Variants in MARCHF1 observed in about 807,000 individuals in gnomAD.
MARCHF1 encodes the protein E3 ubiquitin-protein ligase MARCHF1.
In MARCHF1, 40 loss-of-function variants were observed where a neutral mutation model predicts 54.2. The ratio of observed to expected loss-of-function variants is 0.74; its 90% CI spans 0.57 to 0.96. The LOEUF is 0.96. Ranked by LOEUF, MARCHF1 falls within the 40% of genes least tolerant of loss-of-function variation. The pLI, the probability that MARCHF1 is intolerant of heterozygous loss-of-function variation, is 0.00. For synonymous variants in MARCHF1, 236 were observed against 236.3 expected (o/e 1.00, Z 0.01); for missense variants, 586 against 656.5 (o/e 0.89, Z 1.17).
chr4:164,262,314 C>T (rs1733490503), intron 1 of MARCHF1, among the ~76,000 whole-genome samples: 1 of 152,084 alleles, frequency 6.6e-6, no homozygotes, highest in Non-Finnish European at 1.5e-5. Context: ...AGGGATGCTT[C>T]TCCATCATTT....
At chr4:164,277,847 A>G (rs948195902) in intron 1 of MARCHF1, among the ~76,000 whole-genome samples, 2 of 152,252 alleles carry the variant, frequency 1.3e-5, no homozygotes, top group African/African-American at 2.4e-5. Context: ...TGTAGTCAAT[A>G]CAGGTTTGTG....
intron 5 of MARCHF1, among the ~76,000 whole-genome samples, chr4:163,654,538 A>G (rs1743072919): frequency 6.6e-6 from 1 of 151,606 alleles, no homozygotes; most frequent in Non-Finnish European, 1.5e-5. Flanking sequence ...AGACTGGGTT[A>G]TTGGTGCATA....
At chr4:164,256,275 T>C (rs753858495) in intron 1 of MARCHF1, among the ~76,000 whole-genome samples, 3 of 151,594 alleles carry the variant, frequency 2.0e-5, no homozygotes, top group African/African-American at 7.3e-5. Context: ...AAAAGAGAAC[T>C]GCAAACTACT....
In MARCHF1 at chr4:163,612,277, A is replaced by G; in HGVS notation, c.1004T>C (p.Val335Ala). 11 of 1,498,886 alleles carry G rather than the reference A, an allele frequency of 7.3e-6. No individual in the cohort carries two copies. The highest frequency in any genetic ancestry group is 1.3e-5 in the South Asian group (1 of 76,554). The allele number at this position is 1,498,886 out of a possible 1,614,324, so 92.8% of individuals were successfully genotyped here. A position where few individuals can be genotyped will look rare whatever the true frequency, so the allele number is the denominator to read the frequency against. Residue 335 changes from valine to alanine, a missense_variant, in exon 7 of 10, where the codon GTA becomes GCA. Val to Ala is a moderately conservative substitution (Grantham distance 64). Transcript: ENST00000514618. ...TTTCTCTACAGTGACTGACCTGCAT[A>G]CTTCTAAATTATCAGACCCATCGTC... Reference protein sequence around the residue: ...TYDDGSDNLEVCRICHCEGDE... With the variant: ...TYDDGSDNLEACRICHCEGDE...
intron 1 of MARCHF1, chr4:164,189,057 C>A (rs1278100925): frequency 5.8e-6 from 4 of 687,566 alleles, no homozygotes; most frequent in Non-Finnish European, 1.1e-5. Flanking sequence ...ACCTGGGTGG[C>A]AGAACCTTCA....
chr4:164,091,304 G>A (rs1399657856), intron 2 of MARCHF1, among the ~76,000 whole-genome samples: 1 of 150,986 alleles, frequency 6.6e-6, no homozygotes. Flanking sequence ...TTTTAATATT[G>A]TTAAATATTC....
intron 3 of MARCHF1, among the ~76,000 whole-genome samples, chr4:163,861,012 G>A (rs1355141008): frequency 3.3e-5 from 5 of 152,110 alleles, no homozygotes; most frequent in Admixed American, 1.3e-4. Context: ...CAGATAATAG[G>A]TCAAGGAATT....
intron 1 of MARCHF1, among the ~76,000 whole-genome samples, chr4:164,350,226 CTA>C: frequency 6.6e-6 from 1 of 152,168 alleles, no homozygotes; most frequent in East Asian, 1.9e-4. Flanking sequence ...TGCAAAAAGT[CTA>C]TGTTTAAAAT....
Position 163,971,435 on chromosome 4 carries a change from A to T in MARCHF1, c.-39+17066T>A, listed in dbSNP as rs144339532. On this transcript the variant is annotated intron_variant, in intron 3 of 9. Coordinates refer to ENST00000514618, the MANE Select transcript of MARCHF1 (RefSeq NM_001394959.1). ...AAAACTAAGGAAACAGTTGTGTTACATATAACTTAACTGTAGTGTTTTAGA... is the reference window on the plus strand; with the variant it reads ...AAAACTAAGGAAACAGTTGTGTTACTTATAACTTAACTGTAGTGTTTTAGA... Among the ~76,000 whole-genome samples, 231 of 152,348 alleles carry T rather than the reference A, an allele frequency of 1.5e-3. 1 individual carries two copies. Among genetic ancestry groups the T allele is most frequent in the African/African-American group, 5.3e-3 (219 of 41,586 alleles).
At chr4:164,335,208 G>T (rs975568794) in intron 1 of MARCHF1, among the ~76,000 whole-genome samples, 1 of 152,140 alleles carries the variant, frequency 6.6e-6, no homozygotes, top group African/African-American at 2.4e-5. Context: ...TTGGTTAAAA[G>T]CTATCAAAAA....
intron 7 of MARCHF1, among the ~76,000 whole-genome samples, chr4:163,605,814 C>T (rs1039932215): frequency 6.6e-6 from 1 of 152,032 alleles, no homozygotes; most frequent in Non-Finnish European, 1.5e-5. Flanking sequence ...GAACAGAAAA[C>T]CAAATGCCAC....
chr4:164,131,794 A>C (rs1409335204), intron 1 of MARCHF1, among the ~76,000 whole-genome samples: 1 of 152,172 alleles, frequency 6.6e-6, no homozygotes, highest in Non-Finnish European at 1.5e-5. Context: ...AGAAGTTTTC[A>C]GTGAATTAAT....
At chr4:164,166,890 TG>T (rs1730394416) in intron 1 of MARCHF1, among the ~76,000 whole-genome samples, 1 of 86,222 alleles carries the variant, frequency 1.2e-5, no homozygotes, top group Non-Finnish European at 4.0e-5. Flanking sequence ...ATACTATTTT[TG>T]GTAAAAATAA....
At chr4:163,733,193 A>ATATATATATATACACGTG (rs1745902881) in intron 4 of MARCHF1, among the ~76,000 whole-genome samples, 16 of 21,786 alleles carry the variant, frequency 7.3e-4, no homozygotes, top group African/African-American at 2.1e-3. Flanking sequence ...ATATATATAT[A>ATATATATATATACACGTG]TATATATATA....
intron 2 of MARCHF1, among the ~76,000 whole-genome samples, chr4:164,053,888 C>T (rs1245888943): frequency 6.6e-6 from 1 of 152,078 alleles, no homozygotes. Context: ...GTCTAAAACA[C>T]CAAAAGCAAT....
intron 1 of MARCHF1, among the ~76,000 whole-genome samples, chr4:164,286,639 T>C (rs1734153227): frequency 1.3e-5 from 2 of 151,524 alleles, no homozygotes; most frequent in Admixed American, 1.3e-4. Context: ...ATATGTACTG[T>C]GTATATATAG....
intron 4 of MARCHF1, among the ~76,000 whole-genome samples, chr4:163,703,906 C>CA (rs70948663): frequency 0.39 from 58,411 of 151,520 alleles, 12,316 homozygotes; most frequent in Non-Finnish European, 0.48. Context: ...AAATGATTAC[C>CA]AAATGAGAAA....
At chr4:163,584,932 T>C (rs1454259711) in intron 8 of MARCHF1, 1 of 152,260 alleles carries the variant, frequency 6.6e-6, no homozygotes. Flanking sequence ...TATGTAAGGC[T>C]ACAGTTAGGC....
intron 1 of MARCHF1, among the ~76,000 whole-genome samples, chr4:164,244,292 G>C (rs1249255967): frequency 6.6e-6 from 1 of 152,002 alleles, no homozygotes; most frequent in Non-Finnish European, 1.5e-5. Flanking sequence ...TAGAACTCAG[G>C]ATTAAGAATC....
Sources: gnomAD v4.1 joint callset for allele counts (sites outside exome capture counted in the v4.1 genomes callset) on GRCh38, gnomAD v4.1.1 for gene constraint, MANE v1.5 for transcripts, NCBI Gene and HGNC (gene_info 2026-07-23, HGNC 2026-07-21) for gene names.